Variants in METTL2A observed in about 807,000 individuals in gnomAD.
METTL2A encodes tRNA N(3)-cytidine methyltransferase METTL2A.
METTL2A carries 45 observed loss-of-function variants against 49.4 expected under a neutral mutation model. The observed-to-expected ratio is 0.91, with a 90% CI of 0.72 to 1.17. METTL2A has a LOEUF of 1.17. METTL2A is among the 50% of genes most tolerant of loss of function. METTL2A has a pLI of 0.00. For synonymous variants in METTL2A, 118 were observed against 167.5 expected, an observed-to-expected ratio of 0.70 and a Z score of 2.28; for missense variants, 361 against 462.2, an observed-to-expected ratio of 0.78 and a Z score of 2.01.
chr17:62,437,252 T>G (rs1332602455), intron 5 of METTL2A, among the ~76,000 whole-genome samples: 15 of 151,340 alleles, frequency 9.9e-5, no homozygotes, highest in Non-Finnish European at 1.6e-4. Flanking sequence ...CCTGATGAGA[T>G]GATTCCATTG....
intron 6 of METTL2A, among the ~76,000 whole-genome samples, chr17:62,441,286 A>G (rs1174853965): frequency 6.6e-6 from 1 of 152,132 alleles, no homozygotes; most frequent in Admixed American, 6.6e-5. Flanking sequence ...TTGGTTCTTC[A>G]TTTCCTTGTT....
chr17:62,430,959 G>A (rs1373017197), intron 4 of METTL2A, among the ~76,000 whole-genome samples: 7 of 151,976 alleles, frequency 4.6e-5, no homozygotes, highest in Non-Finnish European at 7.4e-5. Context: ...TCCGCCTCCT[G>A]GGATCAAGCA....
At chr17:62,427,736 A>T in intron 3 of METTL2A, 52 bp from the exon 4 acceptor site, 1 of 1,612,432 alleles carries the variant, frequency 6.2e-7, no homozygotes, top group Non-Finnish European at 8.5e-7. Flanking sequence ...TTCTAGCTTT[A>T]GGGAATTAAC....
intron 3 of METTL2A, among the ~76,000 whole-genome samples, chr17:62,427,444 GCA>G (rs1358638402): frequency 1.3e-5 from 2 of 152,148 alleles, no homozygotes; most frequent in African/African-American, 4.8e-5. Flanking sequence ...ACATTTTTCA[GCA>G]CAGTCTATTA....
intron 5 of METTL2A, among the ~76,000 whole-genome samples, chr17:62,438,542 A>G (rs1210109782): frequency 6.8e-6 from 1 of 147,126 alleles, no homozygotes; most frequent in Non-Finnish European, 1.5e-5. Flanking sequence ...AGATCGCACC[A>G]CTCCAGCCTG....
Position 62,451,032 on chromosome 17 carries a change from A to C in METTL2A, c.*2303A>C, listed in dbSNP as rs1287103714. Among the ~76,000 whole-genome samples the C allele has an allele frequency of 2.0e-5, 3 of 152,142 alleles. No homozygotes were observed. The highest frequency in any genetic ancestry group is 4.4e-5 in the Non-Finnish European group (3 of 68,036). On this transcript the variant is annotated 3_prime_UTR_variant, in exon 9 of 9. Coordinates refer to ENST00000311506, the MANE Select transcript of METTL2A (RefSeq NM_181725.4). ...CAGTAGTCCCAATAATAGCTTTGTC[A>C]CACAAAAACATGATTATGTTGGCTG...
At chr17:62,445,267 C>T (rs1332273383) in intron 7 of METTL2A, among the ~76,000 whole-genome samples, 1 of 149,414 alleles carries the variant, frequency 6.7e-6, no homozygotes, top group African/African-American at 2.5e-5. Flanking sequence ...ACGTTCTGCA[C>T]ATGTACCCCA....
intron 5 of METTL2A, 40 bp from the exon 6 acceptor site, chr17:62,440,577 A>C: frequency 6.3e-7 from 1 of 1,585,060 alleles, no homozygotes; most frequent in Non-Finnish European, 8.6e-7. Context: ...AGGCTATGTT[A>C]ATATTTTCTA....
chr17:62,431,250 G>A (rs190086658), intron 4 of METTL2A, among the ~76,000 whole-genome samples: 2 of 150,756 alleles, frequency 1.3e-5, no homozygotes, highest in East Asian at 2.0e-4. Context: ...ATCCACCCAC[G>A]TCGGCCTCCC....
intron 5 of METTL2A, among the ~76,000 whole-genome samples, chr17:62,435,817 T>C (rs1338423003): frequency 2.0e-5 from 3 of 152,216 alleles, no homozygotes; most frequent in Admixed American, 6.6e-5. Context: ...CTTCATACTC[T>C]ACAGTGTCCT....
At chr17:62,432,505 C>CA (rs1395565457) in intron 4 of METTL2A, among the ~76,000 whole-genome samples, 2 of 151,782 alleles carry the variant, frequency 1.3e-5, no homozygotes, top group African/African-American at 2.4e-5. Flanking sequence ...CCTGTCTCTA[C>CA]AAAAAAATTA....
At chr17:62,435,059 T>C (rs2070691394) in intron 4 of METTL2A, 173 bp from the exon 5 acceptor site, 2 of 956,426 alleles carry the variant, frequency 2.1e-6, no homozygotes, top group Non-Finnish European at 3.1e-6. Context: ...TCCAAAAGGA[T>C]ATAATTCAAA....
At position 62,426,397 on chromosome 17, in the gene METTL2A, C is replaced by T. The variant is rs779794750; in HGVS notation, c.301C>T (p.Pro101Ser). Reference protein sequence around the residue: ...KDRHWLFTEFPELAPSQNQNH... With the variant: ...KDRHWLFTEFSELAPSQNQNH... The stretch of plus-strand genomic sequence containing the variant: ...TAGACATTGGCTTTTTACCGAATTC[C>T]CTGAGCTGGCACCTAGCCAAAATCA... The change falls in exon 3 of 9, where the codon CCT becomes TCT. Residue 101 changes from proline (P) to serine (S), a missense_variant. By Grantham distance (74) the Pro-to-Ser change is moderately conservative. Transcript: ENST00000311506. 6.2e-7 allele frequency: 1 copy of T among 1,613,948 alleles called. No individual in the cohort carries two copies. The highest frequency in any genetic ancestry group is 8.5e-7 in the Non-Finnish European group (1 of 1,179,968).
In METTL2A at chr17:62,452,543, G is replaced by A. The variant is rs2070811429; in HGVS notation, c.*3814G>A. Among the ~76,000 whole-genome samples the A allele has an allele frequency of 6.6e-6, 1 of 152,076 alleles. No individual in the cohort carries two copies. Among genetic ancestry groups the A allele is most frequent in the Non-Finnish European group, 1.5e-5 (1 of 68,024 alleles). ...CCATTCCTTCTACACTGATTGGTTG[G>A]TATTTTGTACAGAAAAGCTTTCTCA... On this transcript the variant is annotated 3_prime_UTR_variant, in exon 9 of 9. Coordinates refer to ENST00000311506, the MANE Select transcript of METTL2A (RefSeq NM_181725.4).
intron 7 of METTL2A, among the ~76,000 whole-genome samples, chr17:62,445,216 C>G (rs1342629008): frequency 6.6e-6 from 1 of 151,208 alleles, no homozygotes; most frequent in Non-Finnish European, 1.5e-5. Context: ...ATGGGTGCAG[C>G]AAACCTCCAT....
At chr17:62,441,008 G>T (rs2070735822) in intron 6 of METTL2A, among the ~76,000 whole-genome samples, 1 of 152,168 alleles carries the variant, frequency 6.6e-6, no homozygotes, top group South Asian at 2.1e-4. Flanking sequence ...GTTTTGCCAT[G>T]TTGCCCAGAC....
intron 4 of METTL2A, among the ~76,000 whole-genome samples, chr17:62,432,507 A>G (rs1319852131): frequency 6.6e-6 from 1 of 152,082 alleles, no homozygotes; most frequent in Non-Finnish European, 1.5e-5. Context: ...TGTCTCTACA[A>G]AAAAATTAGC....
At chr17:62,427,679 C>A in intron 3 of METTL2A, 109 bp from the exon 4 acceptor site, 1 of 1,533,216 alleles carries the variant, frequency 6.5e-7, no homozygotes, top group Non-Finnish European at 8.8e-7. Context: ...TACACCTTCC[C>A]TAATACAGTT....
rs1207905039 is a variant in METTL2A, at chr17:62,444,888, G to A, written c.861G>A (p.Met287Ile). 3 of 1,614,066 alleles carry A rather than the reference G, an allele frequency of 1.9e-6. No homozygotes were observed. The highest frequency in any genetic ancestry group is 4.5e-5 in the East Asian group (2 of 44,868). Reference sequence around the variant, plus strand: ...GCAGGCTTCTGAAACCTGGCGGGATGATGCTTCTGCGAGATTACGGCCGCT... The same window carrying A: ...GCAGGCTTCTGAAACCTGGCGGGATAATGCTTCTGCGAGATTACGGCCGCT... ...RLSRLLKPGGMMLLRDYGRYD... is the reference protein window; with the variant it reads ...RLSRLLKPGGIMLLRDYGRYD... The change falls in exon 7 of 9, where the codon ATG (methionine) becomes ATA (isoleucine). Residue 287 changes from methionine to isoleucine, a missense_variant. Met to Ile is a conservative substitution (Grantham distance 10). Coordinates refer to ENST00000311506, the MANE Select transcript of METTL2A (RefSeq NM_181725.4).
Sources: gnomAD v4.1 joint callset for allele counts (sites outside exome capture counted in the v4.1 genomes callset) on GRCh38, gnomAD v4.1.1 for gene constraint, MANE v1.5 for transcripts, NCBI Gene and HGNC (gene_info 2026-07-23, HGNC 2026-07-21) for gene names.